Variants in TJP1 observed in about 807,000 individuals in gnomAD.
TJP1 encodes tight junction protein 1.
A neutral mutation model predicts 194.2 loss-of-function variants in TJP1; 43 were observed. The ratio of observed to expected loss-of-function variants is 0.22; its 90% CI spans 0.17 to 0.29. The LOEUF (loss-of-function observed/expected upper bound fraction) is 0.29, where lower values mean the gene tolerates loss of function less well. TJP1 is among the 10% of genes least tolerant of loss of function. The pLI, the probability that TJP1 is intolerant of heterozygous loss-of-function variation, is 1.00. For missense variants in TJP1, 1,971 were observed against 2,185.7 expected, an observed-to-expected ratio of 0.90 and a Z score of 1.96; for synonymous variants, 801 against 779.0, an observed-to-expected ratio of 1.03 and a Z score of -0.47.
At chr15:29,968,383 G>A (rs2056403678) in intron 1 of TJP1, 2 of 985,240 alleles carry the variant, frequency 2.0e-6, no homozygotes, top group South Asian at 4.7e-5. Context: ...CCCGGGTGCG[G>A]GTGCCAGGCG....
At chr15:29,819,197 G>C (rs1040312341) in intron 1 of TJP1, among the ~76,000 whole-genome samples, 1 of 151,940 alleles carries the variant, frequency 6.6e-6, no homozygotes, top group African/African-American at 2.4e-5. Flanking sequence ...GATTTCCTTT[G>C]ATTTTTTTTA....
chr15:29,797,579 C>T (rs1034094975), intron 2 of TJP1, among the ~76,000 whole-genome samples: 8 of 137,358 alleles, frequency 5.8e-5, no homozygotes, highest in East Asian at 2.2e-4. Context: ...ATCCTGAATA[C>T]GTTAAAAAAA....
At chr15:29,733,457 T>G in intron 12 of TJP1, 144 bp from the exon 13 acceptor site, 1 of 661,908 alleles carries the variant, frequency 1.5e-6, no homozygotes, top group Non-Finnish European at 2.5e-6. Flanking sequence ...TATTATTTCA[T>G]GTATTCATCA....
chr15:29,741,219 G>A, intron 10 of TJP1, 112 bp downstream of exon 10: 2 of 713,852 alleles, frequency 2.8e-6, no homozygotes, highest in Non-Finnish European at 4.7e-6. Flanking sequence ...ATAGTATTAG[G>A]TGGTATGTAC....
intron 2 of TJP1, among the ~76,000 whole-genome samples, chr15:29,878,447 G>A (rs2052794461): frequency 6.6e-6 from 1 of 152,188 alleles, no homozygotes; most frequent in Admixed American, 6.5e-5. Flanking sequence ...CCCCAGAGCT[G>A]TTATGAATTC....
chr15:29,884,998 T>A (rs1369628635), intron 2 of TJP1, among the ~76,000 whole-genome samples: 2 of 152,184 alleles, frequency 1.3e-5, no homozygotes, highest in African/African-American at 4.8e-5. Context: ...GCTTCTGTCA[T>A]CCTGGGGCTG....
intron 25 of TJP1, among the ~76,000 whole-genome samples, chr15:29,708,322 A>G (rs2151018616): frequency 6.6e-6 from 1 of 152,324 alleles, no homozygotes; most frequent in East Asian, 1.9e-4. Context: ...AGTTCTTAGT[A>G]AAACAGGGAT....
At chr15:29,834,637 A>G (rs1390225001) in intron 2 of TJP1, among the ~76,000 whole-genome samples, 1 of 152,256 alleles carries the variant, frequency 6.6e-6, no homozygotes, top group Non-Finnish European at 1.5e-5. Context: ...ACACAAAAAG[A>G]TAATTAAATA....
chr15:29,733,463 C>T, intron 12 of TJP1, 150 bp from the exon 13 acceptor site: 2 of 650,632 alleles, frequency 3.1e-6, no homozygotes, highest in Non-Finnish European at 5.2e-6. Flanking sequence ...TTCATGTATT[C>T]ATCACTGTAA....
intron 1 of TJP1, among the ~76,000 whole-genome samples, chr15:29,820,857 A>G (rs1162244283): frequency 6.6e-6 from 1 of 152,206 alleles, no homozygotes; most frequent in Non-Finnish European, 1.5e-5. Flanking sequence ...CCCTTAAAAC[A>G]ATCTATTCAT....
At chr15:29,918,744 A>G (rs1209665226) in intron 2 of TJP1, among the ~76,000 whole-genome samples, 3 of 152,174 alleles carry the variant, frequency 2.0e-5, no homozygotes, top group African/African-American at 7.2e-5. Flanking sequence ...ATCTCAAAAA[A>G]AAAAAGTATA....
chr15:29,893,449 C>T (rs1427455993), intron 2 of TJP1, among the ~76,000 whole-genome samples: 2 of 152,198 alleles, frequency 1.3e-5, no homozygotes, highest in African/African-American at 4.8e-5. Context: ...TGTTATCAAA[C>T]AGCATCCCAT....
chr15:29,873,407 G>A (rs187283154), intron 2 of TJP1, among the ~76,000 whole-genome samples: 2 of 152,278 alleles, frequency 1.3e-5, no homozygotes, highest in Non-Finnish European at 2.9e-5. Context: ...CCTGGAAACC[G>A]ACAAGGCCCT....
At chr15:29,777,488 A>G (rs1371966523) in intron 2 of TJP1, among the ~76,000 whole-genome samples, 3 of 152,234 alleles carry the variant, frequency 2.0e-5, no homozygotes, top group African/African-American at 7.2e-5. Flanking sequence ...GGAGAAAAAT[A>G]AATAAATAAA....
rs756236876 is a variant in TJP1, at chr15:29,726,519, C to A, written c.2312-40G>T. On this transcript the variant is annotated intron_variant, in intron 17 of 27. Coordinates refer to ENST00000614355, the MANE Select transcript of TJP1 (RefSeq NM_001330239.4). ...ACGATGTAGTTTTATGGTTAGAGCA[C>A]TGCCAAAAGTCAGAATTAATTCAAC... 3.3e-5 allele frequency: 52 copies of A among 1,578,336 alleles called. 2 individuals carry two copies. The South Asian group carries it at 5.8e-4, about 18-fold the overall frequency.
rs765682106 is a variant in TJP1, at chr15:29,718,759, T to C, written c.3383A>G (p.Tyr1128Cys). 3 of 1,614,176 alleles carry C rather than the reference T, an allele frequency of 1.9e-6. No individual in the cohort carries two copies. The highest frequency in any genetic ancestry group is 4.5e-5 in the East Asian group (2 of 44,872). Residue 1128 changes from tyrosine to cysteine, a missense_variant, in exon 21 of 28, where the codon TAC becomes TGC. Tyr to Cys is a radical substitution (Grantham distance 194). This residue lies in a region of TJP1 where 1,108 missense variants were observed against 1,128.5 expected (regional missense o/e 0.98). Coordinates refer to ENST00000614355, the MANE Select transcript of TJP1 (RefSeq NM_001330239.4). ...GGCTGGCTCTTCAAAACGTGGAAAG[T>C]ACCCTCGTTCTGAGGACTCTTCGGG... ...QHPEESSERGYFPRFEEPAPL... is the reference protein window; with the variant it reads ...QHPEESSERGCFPRFEEPAPL...
rs182107498 is a variant in TJP1 at position 29,734,431 on chromosome 15, A to T, written c.1408-49T>A. On this transcript the variant is annotated intron_variant, in intron 11 of 27. Transcript: ENST00000614355. ...CATTCTTGGCTGTTTAAGAATATGA[A>T]AATAACATACGCAGGACACAGATAC... The T allele has an allele frequency of 1.2e-4, 171 of 1,368,266 alleles. No individual in the cohort carries two copies. The African/African-American group carries it at 2.2e-3, about 17-fold the overall frequency. The allele number at this position is 1,368,266 out of a possible 1,614,324, so 84.8% of individuals were successfully genotyped here.
intron 8 of TJP1, among the ~76,000 whole-genome samples, chr15:29,743,868 G>A (rs1320577551): frequency 2.6e-5 from 4 of 152,128 alleles, no homozygotes; most frequent in Admixed American, 2.0e-4. Context: ...AGGAACTAGG[G>A]AAATACAAAT....
At chr15:29,778,291 A>G (rs2047142025) in intron 2 of TJP1, among the ~76,000 whole-genome samples, 1 of 152,014 alleles carries the variant, frequency 6.6e-6, no homozygotes, top group Non-Finnish European at 1.5e-5. Flanking sequence ...TCCTCAATCT[A>G]TACCAATTAA....
Sources: allele counts gnomAD v4.1 joint callset (sites outside exome capture counted in the v4.1 genomes callset), GRCh38; gene constraint gnomAD v4.1.1; regional missense constraint gnomAD v4.1.1; transcripts MANE v1.5; gene names NCBI Gene and HGNC (gene_info 2026-07-23, HGNC 2026-07-21).